SNX29: variants seen among roughly 807,000 people sequenced by gnomAD.
SNX29 encodes sorting nexin-29.
SNX29 carries 78 observed loss-of-function variants against 102.1 expected under a neutral mutation model. The ratio of observed to expected loss-of-function variants is 0.76; its 90% confidence interval spans 0.64 to 0.92. The LOEUF is 0.92. SNX29 is among the 40% of genes least tolerant of loss of function. SNX29 has a pLI of 0.00. For missense variants in SNX29, 1,280 were observed against 1,061.7 expected (o/e 1.21, Z -2.86); for synonymous variants, 580 against 414.5 (o/e 1.40, Z -4.85).
In SNX29 at chr16:12,572,060, A is replaced by G. The variant is rs1598142079; in HGVS notation, c.*3431A>G. 1.9e-6 allele frequency: 2 copies of G among 1,063,374 alleles called. No individual in the cohort carries two copies. Among genetic ancestry groups the G allele is most frequent in the Non-Finnish European group, 2.3e-6 (2 of 878,044 alleles). 65.9% of individuals were successfully genotyped at this position (1,063,374 alleles called of 1,614,324 possible). On this transcript the variant is annotated 3_prime_UTR_variant, in exon 21 of 21. Coordinates refer to ENST00000566228, the MANE Select transcript of SNX29 (RefSeq NM_032167.5). ...CAGTGGAGTTGTAAACAAGGGAACC[A>G]TCTTGCAAGATCTAGGAAGAGGAAG... is the stretch of plus-strand genomic sequence containing the variant.
At chr16:12,162,677 C>T (rs942933984) in intron 13 of SNX29, among the ~76,000 whole-genome samples, 1 of 152,210 alleles carries the variant, frequency 6.6e-6, no homozygotes, top group Non-Finnish European at 1.5e-5. Flanking sequence ...TGACCTTGAG[C>T]TAGCCTGAAG....
At chr16:12,305,055 C>T (rs1053963791) in intron 15 of SNX29, among the ~76,000 whole-genome samples, 1 of 152,170 alleles carries the variant, frequency 6.6e-6, no homozygotes, top group Non-Finnish European at 1.5e-5. Context: ...TGCCTCAAGG[C>T]TGTAATTAGG....
chr16:12,119,057 T>G (rs350207), intron 11 of SNX29, among the ~76,000 whole-genome samples: 102,740 of 151,886 alleles, frequency 0.68, 35,796 homozygotes, highest in East Asian at 0.91. Context: ...GATCCACAGC[T>G]TGATCTCTTG....
chr16:12,021,685 T>G (rs912024655), intron 3 of SNX29, among the ~76,000 whole-genome samples: 4 of 151,868 alleles, frequency 2.6e-5, no homozygotes, highest in Admixed American at 6.6e-5. Flanking sequence ...GTCAGCAGTT[T>G]GAGATCAGCC....
chr16:12,237,657 A>G lies in SNX29; in HGVS notation c.1678+37974A>G, dbSNP rs529415238. ...AGTGGTGGCAGGTGCCTGTAATCCC[A>G]GCACTTTGGGAGGCTGAGGTGGATG... On this transcript the variant is annotated intron_variant, in intron 14 of 20. Transcript: ENST00000566228. Among the ~76,000 whole-genome samples, 6 of 152,176 alleles carry G rather than the reference A, an allele frequency of 3.9e-5. No homozygotes were observed. In the South Asian group the frequency reaches 1.0e-3, roughly 26 times the overall value.
intron 3 of SNX29, among the ~76,000 whole-genome samples, chr16:12,021,967 G>A (rs1047723877): frequency 6.6e-6 from 1 of 150,672 alleles, no homozygotes; most frequent in Non-Finnish European, 1.5e-5. Context: ...AGTTGAGCTG[G>A]TGCAGTGTCC....
chr16:12,406,674 G>A (rs1025966254), intron 18 of SNX29, among the ~76,000 whole-genome samples: 17 of 152,192 alleles, frequency 1.1e-4, no homozygotes, highest in African/African-American at 4.1e-4. Flanking sequence ...TTGGGAGGCC[G>A]AGATGGGTGG....
rs2079117174 is a variant in SNX29 at position 12,568,696 on chromosome 16, C to T, written c.*67C>T. On this transcript the variant is annotated 3_prime_UTR_variant, in exon 21 of 21. Coordinates refer to ENST00000566228, the MANE Select transcript of SNX29 (RefSeq NM_032167.5). Reference sequence around the variant, plus strand: ...GCTGCGTCCACCCCAGCCACTGCCGCTGGCCCCTCACCTCAGCGTGACAAC... The same window carrying T: ...GCTGCGTCCACCCCAGCCACTGCCGTTGGCCCCTCACCTCAGCGTGACAAC... 2 of 1,574,768 alleles carry T rather than the reference C, an allele frequency of 1.3e-6. No individual in the cohort carries two copies. The highest frequency in any genetic ancestry group is 3.5e-5 in the Admixed American group (2 of 57,246).
intron 18 of SNX29, among the ~76,000 whole-genome samples, chr16:12,466,046 C>T (rs887878460): frequency 7.2e-5 from 11 of 152,284 alleles, no homozygotes; most frequent in Middle Eastern, 6.8e-3. Flanking sequence ...TCATACTCAA[C>T]AGTGAAAAGC....
At chr16:12,560,698 AC>A (rs1301143451) in intron 20 of SNX29, 4 of 161,644 alleles carry the variant, frequency 2.5e-5, no homozygotes, top group Non-Finnish European at 4.1e-5. Context: ...CTAGTCATCG[AC>A]TCTGGGCTCA....
At chr16:12,133,085 T>C (rs926415401) in intron 13 of SNX29, among the ~76,000 whole-genome samples, 3 of 152,040 alleles carry the variant, frequency 2.0e-5, no homozygotes, top group South Asian at 2.1e-4. Context: ...GTGAGGCTCA[T>C]TGCGCCGGCG....
chr16:12,283,501 G>A (rs2151032108), intron 15 of SNX29, among the ~76,000 whole-genome samples: 1 of 152,068 alleles, frequency 6.6e-6, no homozygotes, highest in Admixed American at 6.5e-5. Flanking sequence ...TGTATTTTTA[G>A]TAGAGATGGG....
chr16:12,261,876 T>A (rs1054291825), intron 14 of SNX29, among the ~76,000 whole-genome samples: 1 of 137,442 alleles, frequency 7.3e-6, no homozygotes, highest in Non-Finnish European at 1.6e-5. Flanking sequence ...GGAGTGAGTG[T>A]TTGCTGAGCT....
At chr16:12,412,235 GATCCCCAT>G (rs1282448297) in intron 18 of SNX29, among the ~76,000 whole-genome samples, 1 of 152,190 alleles carries the variant, frequency 6.6e-6, no homozygotes, top group African/African-American at 2.4e-5. Flanking sequence ...CTGTTTTCAT[GATCCCCAT>G]CTTATAGATG....
intron 20 of SNX29, chr16:12,546,671 C>T (rs560773564): frequency 2.0e-4 from 31 of 152,258 alleles, no homozygotes; most frequent in African/African-American, 2.9e-4. Flanking sequence ...GATAAATCTT[C>T]CTTTTTGAAT....
chr16:12,346,870 C>T (rs956378114), intron 15 of SNX29, among the ~76,000 whole-genome samples: 8 of 152,130 alleles, frequency 5.3e-5, no homozygotes, highest in African/African-American at 1.9e-4. Flanking sequence ...AAGCCTCCCT[C>T]CCTGGCTTGC....
chr16:12,307,901 A>G (rs758344900), intron 15 of SNX29, among the ~76,000 whole-genome samples: 3 of 152,100 alleles, frequency 2.0e-5, no homozygotes, highest in Non-Finnish European at 4.4e-5. Context: ...CCACCAAGAG[A>G]TGGGAGAGAA....
intron 20 of SNX29, among the ~76,000 whole-genome samples, chr16:12,527,738 C>T (rs1039871665): frequency 1.2e-4 from 18 of 152,134 alleles, no homozygotes; most frequent in Non-Finnish European, 1.9e-4. Context: ...GGGAAGCCTG[C>T]ACCCTGTGGA....
At chr16:12,363,476 C>T (rs943897421) in intron 16 of SNX29, among the ~76,000 whole-genome samples, 2 of 152,154 alleles carry the variant, frequency 1.3e-5, no homozygotes, top group Non-Finnish European at 2.9e-5. Context: ...CCCAAATCTC[C>T]TCTTCTATCT....
Sources: allele counts gnomAD v4.1 joint callset (sites outside exome capture counted in the v4.1 genomes callset), GRCh38; gene constraint gnomAD v4.1.1; transcripts MANE v1.5; gene names NCBI Gene and HGNC (gene_info 2026-07-23, HGNC 2026-07-21).